NCOR1: variants seen among roughly 807,000 people sequenced by gnomAD.
NCOR1 encodes the protein protein phosphatase 1, regulatory subunit 109.
NCOR1 carries 63 observed loss-of-function variants against 288.1 expected under a neutral mutation model. The ratio of observed to expected loss-of-function variants is 0.22; its 90% CI spans 0.18 to 0.27. The LOEUF is 0.27. Ranked by LOEUF, NCOR1 falls within the 10% of genes least tolerant of loss-of-function variation. The pLI, the probability that NCOR1 is intolerant of heterozygous loss-of-function variation, is 1.00. For missense variants in NCOR1, 2,397 were observed against 3,019.2 expected, an observed-to-expected ratio of 0.79 and a Z score of 4.83; for synonymous variants, 1,007 against 1,065.9, an observed-to-expected ratio of 0.94 and a Z score of 1.08.
At chr17:16,136,647 A>T (rs189403165) in intron 14 of NCOR1, among the ~76,000 whole-genome samples, 3 of 152,112 alleles carry the variant, frequency 2.0e-5, no homozygotes, top group Admixed American at 1.3e-4. Context: ...CTCTACTAAA[A>T]ATACAAAAAC....
At chr17:16,067,349 A>C (rs1164768590) in intron 32 of NCOR1, among the ~76,000 whole-genome samples, 3 of 152,264 alleles carry the variant, frequency 2.0e-5, no homozygotes, top group Non-Finnish European at 4.4e-5. Flanking sequence ...AAGAGTTGAT[A>C]CAGAAGTTGA....
Position 16,138,197 on chromosome 17 carries a change from T to C in NCOR1, c.1368A>G (p.Pro456=), listed in dbSNP as rs1162162158. Residue 456 remains proline (P), a synonymous_variant, in exon 13 of 46, where the codon CCA becomes CCG. Coordinates refer to ENST00000268712, the MANE Select transcript of NCOR1 (RefSeq NM_006311.4). ...ATGATGCAATTAGTCCAAAGTTTTT[T>C]GGATGCTGGATAAACCTGAGTGAAA... ...EIFKDKFIQH[P]KNFGLIASYL... The C allele has an allele frequency of 6.2e-7, 1 of 1,613,346 alleles. No individual in the cohort carries two copies. Among genetic ancestry groups the C allele is most frequent in the Non-Finnish European group, 8.5e-7 (1 of 1,179,468 alleles).
chr17:16,197,568 G>T (rs187469640), intron 1 of NCOR1, among the ~76,000 whole-genome samples: 1 of 152,264 alleles, frequency 6.6e-6, no homozygotes, highest in East Asian at 1.9e-4. Context: ...GATTTGACAG[G>T]TGAGAAATCT....
At chr17:16,170,097 T>C (rs956503501) in intron 4 of NCOR1, among the ~76,000 whole-genome samples, 2 of 114,080 alleles carry the variant, frequency 1.8e-5, no homozygotes, top group African/African-American at 6.6e-5. Flanking sequence ...CATTTTAACA[T>C]ATTTGCTTTC....
intron 10 of NCOR1, among the ~76,000 whole-genome samples, chr17:16,146,166 C>T (rs1162515062): frequency 1.3e-5 from 2 of 152,002 alleles, no homozygotes; most frequent in Non-Finnish European, 2.9e-5. Context: ...TGCAGAAGGC[C>T]GCAGGGTCCT....
chr17:16,080,301 T>C, intron 25 of NCOR1, 107 bp downstream of exon 25: 1 of 1,018,710 alleles, frequency 9.8e-7, no homozygotes. Flanking sequence ...ATTTAGAATT[T>C]AAAGACTATA....
chr17:16,042,131 C>T (rs1005187679), intron 42 of NCOR1, among the ~76,000 whole-genome samples: 1 of 141,864 alleles, frequency 7.0e-6, no homozygotes, highest in Non-Finnish European at 1.5e-5. Context: ...TAGAAACAAA[C>T]TTGGTTGATT....
At chr17:16,148,878 A>C (rs1166769589) in intron 9 of NCOR1, among the ~76,000 whole-genome samples, 3 of 152,148 alleles carry the variant, frequency 2.0e-5, no homozygotes, top group Non-Finnish European at 4.4e-5. Flanking sequence ...CAGACACTTC[A>C]GTTTAAATGT....
chr17:16,145,746 A>G (rs1351297492), intron 10 of NCOR1, among the ~76,000 whole-genome samples: 2 of 150,718 alleles, frequency 1.3e-5, no homozygotes, highest in East Asian at 4.0e-4. Flanking sequence ...CAGCCGCCCC[A>G]TCCGGGGGGT....
chr17:16,067,986 T>G lies in NCOR1; in HGVS notation c.4649A>C (p.His1550Pro). The stretch of plus-strand genomic sequence containing the variant: ...CTCGCCTGCAGTGCTGCCTCTGTGA[T>G]GGGGATCAAACGGACTGTGGCTCAC... ...PVVSHSPFDP[H>P]HRGSTAGEVY... is the part of the protein sequence containing the mutation. The change falls in exon 32 of 46, where the codon CAT (histidine) becomes CCT (proline). Residue 1550 changes from histidine to proline, a missense_variant. Physicochemically the swap from His to Pro is moderately conservative, Grantham distance 77 (BLOSUM62 -2). Coordinates refer to ENST00000268712, the MANE Select transcript of NCOR1 (RefSeq NM_006311.4). 3.1e-6 allele frequency: 5 copies of G among 1,614,204 alleles called. No homozygotes were observed. Among genetic ancestry groups the G allele is most frequent in the Non-Finnish European group, 3.4e-6 (4 of 1,180,022 alleles).
chr17:16,064,206 C>A lies in NCOR1; in HGVS notation c.5102-19G>T, dbSNP rs2152657977. 2 of 1,602,480 alleles carry A rather than the reference C, an allele frequency of 1.2e-6. No individual in the cohort carries two copies. Among genetic ancestry groups the A allele is most frequent in the Non-Finnish European group, 1.7e-6 (2 of 1,173,836 alleles). Reference sequence around the variant, plus strand: ...GGGTGTCCTGTAAAACATAAACCTGCAGCTTAAAGATAAAAATATCAACTG... The same window carrying A: ...GGGTGTCCTGTAAAACATAAACCTGAAGCTTAAAGATAAAAATATCAACTG... On this transcript the variant is annotated intron_variant, in intron 34 of 45. Coordinates refer to ENST00000268712, the MANE Select transcript of NCOR1 (RefSeq NM_006311.4).
At chr17:16,137,244 T>G (rs550325870) in intron 14 of NCOR1, 67 bp downstream of exon 14, 2 of 991,804 alleles carry the variant, frequency 2.0e-6, no homozygotes, top group Admixed American at 2.3e-5. Context: ...GACTTCTGTT[T>G]TAACACTTTT....
chr17:16,132,976 T>TC (rs1377857022), intron 14 of NCOR1, among the ~76,000 whole-genome samples: 7 of 151,728 alleles, frequency 4.6e-5, no homozygotes, highest in Non-Finnish European at 1.0e-4. Context: ...CTCTCTTCTT[T>TC]CTTTTTTTTC....
Position 16,047,105 on chromosome 17 carries a change from A to G in NCOR1, c.6537-12T>C. ...AGCGGGCATCATTCCTGTTAGGGCC[A>G]AAGTTAAGTATATTACAACCACGTA... On this transcript the variant is annotated splice_polypyrimidine_tract_variant and intron_variant, in intron 41 of 45. Transcript: ENST00000268712. 1 of 1,608,208 alleles carries G rather than the reference A, an allele frequency of 6.2e-7. No individual in the cohort carries two copies. Among genetic ancestry groups the G allele is most frequent in the South Asian group, 1.1e-5 (1 of 89,988 alleles).
At chr17:16,119,632 C>T (rs1329579596) in intron 16 of NCOR1, 147 bp from the exon 17 acceptor site, 1 of 494,682 alleles carries the variant, frequency 2.0e-6, no homozygotes, top group Non-Finnish European at 3.5e-6. Flanking sequence ...AGGATAGTAA[C>T]CTCTCCTCCA....
chr17:16,138,953 C>T, intron 12 of NCOR1, 55 bp downstream of exon 12: 1 of 1,314,582 alleles, frequency 7.6e-7, no homozygotes, highest in Non-Finnish European at 1.0e-6. Flanking sequence ...ATGCCAAATA[C>T]TTTTTACTAA....
intron 1 of NCOR1, among the ~76,000 whole-genome samples, chr17:16,213,668 A>C (rs764793391): frequency 3.2e-4 from 48 of 152,080 alleles, no homozygotes; most frequent in Non-Finnish European, 5.9e-4. Flanking sequence ...TAACCCCTTC[A>C]ATCTGTTTAA....
chr17:16,038,065 GTA>G (rs757238038), intron 44 of NCOR1, among the ~76,000 whole-genome samples: 2 of 151,992 alleles, frequency 1.3e-5, no homozygotes, highest in Non-Finnish European at 2.9e-5. Flanking sequence ...AAGTTAACAT[GTA>G]TAGTTTTTTT....
chr17:16,207,609 C>T (rs2091666670), intron 1 of NCOR1, among the ~76,000 whole-genome samples: 1 of 151,736 alleles, frequency 6.6e-6, no homozygotes, highest in African/African-American at 2.4e-5. Context: ...GGCGTGGTGG[C>T]AGACGCCTGT....
Sources: gnomAD v4.1 joint callset for allele counts (sites outside exome capture counted in the v4.1 genomes callset) on GRCh38, gnomAD v4.1.1 for gene constraint, MANE v1.5 for transcripts, NCBI Gene and HGNC (gene_info 2026-07-23, HGNC 2026-07-21) for gene names.